Variants in KCNIP4 observed in about 807,000 individuals in gnomAD.
KCNIP4 encodes the protein Kv channel-interacting protein 4.
In KCNIP4, 12 loss-of-function variants were observed where a neutral mutation model predicts 34.0. The observed-to-expected ratio is 0.35, with a 90% CI of 0.23 to 0.57. KCNIP4 has a LOEUF of 0.57. KCNIP4 is among the 20% of genes least tolerant of loss of function. The probability of loss-of-function intolerance (pLI) is 0.83; values close to 1 mark genes in which losing one functional copy is unlikely to be tolerated. For missense variants in KCNIP4, 238 were observed against 311.7 expected, an observed-to-expected ratio of 0.76 and a Z score of 1.78; for synonymous variants, 124 against 102.2, an observed-to-expected ratio of 1.21 and a Z score of -1.29.
intron 1 of KCNIP4, among the ~76,000 whole-genome samples, chr4:21,017,763 C>T (rs1739680533): frequency 6.6e-6 from 1 of 152,128 alleles, no homozygotes; most frequent in Admixed American, 6.6e-5. Context: ...TGAAGAATGG[C>T]CACACTGTCT....
intron 1 of KCNIP4, among the ~76,000 whole-genome samples, chr4:21,501,135 TGTTAGA>T (rs1733291595): frequency 6.6e-6 from 1 of 152,086 alleles, no homozygotes; most frequent in Non-Finnish European, 1.5e-5. Flanking sequence ...CTCCCCAAGA[TGTTAGA>T]GTTCTATGCC....
At chr4:21,312,192 G>A (rs1374561754) in intron 1 of KCNIP4, among the ~76,000 whole-genome samples, 1 of 152,136 alleles carries the variant, frequency 6.6e-6, no homozygotes, top group Non-Finnish European at 1.5e-5. Context: ...AAGACAAATG[G>A]GAGGAAAGGA....
intron 1 of KCNIP4, among the ~76,000 whole-genome samples, chr4:21,891,475 G>A (rs534214707): frequency 6.6e-6 from 1 of 152,168 alleles, no homozygotes; most frequent in Non-Finnish European, 1.5e-5. Context: ...ACACCTGAAG[G>A]ATAGACACCA....
At chr4:21,323,407 C>T (rs947274547) in intron 1 of KCNIP4, among the ~76,000 whole-genome samples, 10 of 151,978 alleles carry the variant, frequency 6.6e-5, no homozygotes, top group African/African-American at 2.4e-4. Context: ...CCCATTCTCC[C>T]AGCCCCAGTA....
intron 3 of KCNIP4, among the ~76,000 whole-genome samples, chr4:20,782,986 A>G (rs1578608404): frequency 6.6e-6 from 1 of 152,192 alleles, no homozygotes; most frequent in East Asian, 1.9e-4. Flanking sequence ...TCTGCCAGAT[A>G]CCCTAAATCA....
chr4:21,077,917 A>T lies in KCNIP4; in HGVS notation c.62-195208T>A, dbSNP rs182060346. Among the ~76,000 whole-genome samples, 9 of 152,248 alleles carry T rather than the reference A, an allele frequency of 5.9e-5. No homozygotes were observed. In the East Asian group the frequency reaches 1.7e-3, roughly 29 times the overall value. On this transcript the variant is annotated intron_variant, in intron 1 of 8. Coordinates refer to ENST00000382152, the MANE Select transcript of KCNIP4 (RefSeq NM_025221.6). ...ATGTCATAGTAGCGTAAAAGAGGGC[A>T]CTTAACAAGACCTGGGTGCCAGAAA...
intron 1 of KCNIP4, among the ~76,000 whole-genome samples, chr4:20,960,478 G>A (rs1391925365): frequency 6.6e-6 from 1 of 152,142 alleles, no homozygotes; most frequent in Non-Finnish European, 1.5e-5. Flanking sequence ...CGGACACTTG[G>A]CTCTTGTTCC....
At chr4:21,486,530 T>C (rs1302774746) in intron 1 of KCNIP4, among the ~76,000 whole-genome samples, 1 of 152,222 alleles carries the variant, frequency 6.6e-6, no homozygotes, top group Non-Finnish European at 1.5e-5. Flanking sequence ...GTTTTGCTCA[T>C]ATTTGCATTT....
chr4:20,894,005 G>C (rs537711224), intron 1 of KCNIP4, among the ~76,000 whole-genome samples: 2 of 151,946 alleles, frequency 1.3e-5, no homozygotes, highest in African/African-American at 4.8e-5. Flanking sequence ...CTCAGCCACC[G>C]GAGTAGCTGG....
At chr4:21,270,846 G>A (rs983688427) in intron 1 of KCNIP4, among the ~76,000 whole-genome samples, 2 of 151,950 alleles carry the variant, frequency 1.3e-5, no homozygotes, top group African/African-American at 4.8e-5. Context: ...AATTAGCCAG[G>A]AATGTGGTGT....
At chr4:21,251,237 T>C (rs544055468) in intron 1 of KCNIP4, among the ~76,000 whole-genome samples, 1 of 152,338 alleles carries the variant, frequency 6.6e-6, no homozygotes, top group East Asian at 1.9e-4. Context: ...TTATGGTATA[T>C]TGTAGAGTAA....
chr4:21,158,300 C>T (rs1753304399), intron 1 of KCNIP4, among the ~76,000 whole-genome samples: 1 of 152,040 alleles, frequency 6.6e-6, no homozygotes, highest in Non-Finnish European at 1.5e-5. Context: ...CACAAATATT[C>T]TATGAGCCAG....
At chr4:21,206,631 A>G (rs1383279966) in intron 1 of KCNIP4, among the ~76,000 whole-genome samples, 1 of 152,188 alleles carries the variant, frequency 6.6e-6, no homozygotes. Context: ...GAGCTTGAAC[A>G]AGTCTCTTAT....
Position 20,764,198 on chromosome 4 carries a change from TAAAG to T in KCNIP4, c.289-5312_289-5309del, listed in dbSNP as rs912411011. Among the ~76,000 whole-genome samples, 5 of 152,088 alleles carry T rather than the reference TAAAG, an allele frequency of 3.3e-5. No homozygotes were observed. The South Asian group carries it at 8.3e-4, about 25-fold the overall frequency. ...AAATATGCCCTCTATAGAAAAAAAT[TAAAG>T]AAAATGAAAATCACCCATAATCTGA... On this transcript the variant is annotated intron_variant, in intron 3 of 8. Coordinates refer to ENST00000382152, the MANE Select transcript of KCNIP4 (RefSeq NM_025221.6).
intron 1 of KCNIP4, among the ~76,000 whole-genome samples, chr4:21,133,014 G>GA (rs11342415): frequency 0.23 from 33,885 of 145,716 alleles, 4,031 homozygotes; most frequent in Non-Finnish European, 0.28. Flanking sequence ...CTCCATCTCA[G>GA]AAAAAAAAAA....
At chr4:21,680,842 C>T (rs1350948692) in intron 1 of KCNIP4, among the ~76,000 whole-genome samples, 1 of 152,098 alleles carries the variant, frequency 6.6e-6, no homozygotes, top group African/African-American at 2.4e-5. Context: ...ATGATGTCAT[C>T]CAGGTTTGGT....
Position 21,032,608 on chromosome 4 carries a change from G to C in KCNIP4, c.62-149899C>G, listed in dbSNP as rs914093076. ...CCCAGAAAGTCCTAGAAAAAAAATT[G>C]CTGCCTCATGCTTAAGCTTCTAGTG... On this transcript the variant is annotated intron_variant, in intron 1 of 8. Transcript: ENST00000382152. 2.6e-5 allele frequency among the ~76,000 whole-genome samples: 4 copies of C among 152,056 alleles called. No individual in the cohort carries two copies. The East Asian group carries it at 7.7e-4, about 29-fold the overall frequency.
chr4:21,264,757 G>A (rs908397300), intron 1 of KCNIP4, among the ~76,000 whole-genome samples: 2 of 152,074 alleles, frequency 1.3e-5, no homozygotes, highest in African/African-American at 2.4e-5. Context: ...TTAGCCTGGC[G>A]AGAAGGTGCA....
chr4:21,291,872 A>G (rs1205226956), intron 1 of KCNIP4, among the ~76,000 whole-genome samples: 1 of 9,742 alleles, frequency 1.0e-4, no homozygotes, highest in Non-Finnish European at 1.9e-4. Flanking sequence ...AAAAAAAAAG[A>G]AAGAAAGAAA....
Sources: allele counts gnomAD v4.1 joint callset (sites outside exome capture counted in the v4.1 genomes callset), GRCh38; gene constraint gnomAD v4.1.1; transcripts MANE v1.5; gene names NCBI Gene and HGNC (gene_info 2026-07-23, HGNC 2026-07-21).